GALNT13: variants seen among roughly 807,000 people sequenced by gnomAD.
GALNT13 encodes polypeptide N-acetylgalactosaminyltransferase 13.
Under a neutral mutation model 64.2 loss-of-function variants are expected in GALNT13, and 28 were observed. The ratio of observed to expected loss-of-function variants is 0.44; its 90% CI spans 0.32 to 0.60. GALNT13 has a LOEUF of 0.60. GALNT13 is among the 20% of genes least tolerant of loss of function. The pLI, the probability that GALNT13 is intolerant of heterozygous loss-of-function variation, is 0.05. For synonymous variants in GALNT13, 214 were observed against 224.6 expected (o/e 0.95, Z 0.42); for missense variants, 577 against 669.8 (o/e 0.86, Z 1.53).
chr2:153,304,310 C>T, the GALNT13 span, among the ~76,000 whole-genome samples: 3 of 151,976 alleles, frequency 2.0e-5, no homozygotes, highest in East Asian at 3.9e-4. Context: ...TGCTGCTTCT[C>T]TGCTGAGCCT....
At chr2:153,289,275 A>T in the GALNT13 span, among the ~76,000 whole-genome samples, 50 of 152,190 alleles carry the variant, frequency 3.3e-4, no homozygotes, top group Non-Finnish European at 6.9e-4. Context: ...CAATGACCTC[A>T]TTTCTTCATA....
the GALNT13 span, among the ~76,000 whole-genome samples, chr2:153,589,046 G>A: frequency 2.6e-5 from 4 of 152,082 alleles, no homozygotes; most frequent in East Asian, 1.9e-4. Flanking sequence ...CCGCTACTCG[G>A]GAGGCTGAGG....
chr2:153,812,027 AT>A, the GALNT13 span, among the ~76,000 whole-genome samples: 1 of 152,198 alleles, frequency 6.6e-6, no homozygotes, highest in Non-Finnish European at 1.5e-5. Flanking sequence ...CTAGATCAAG[AT>A]ATAGAACACT....
the GALNT13 span, among the ~76,000 whole-genome samples, chr2:153,611,266 G>T: frequency 1.3e-5 from 2 of 152,128 alleles, no homozygotes; most frequent in African/African-American, 4.8e-5. Flanking sequence ...TTGTCACAAA[G>T]AATTAATTAA....
chr2:153,270,442 T>C, the GALNT13 span, among the ~76,000 whole-genome samples: 4 of 152,190 alleles, frequency 2.6e-5, no homozygotes, highest in Non-Finnish European at 5.9e-5. Flanking sequence ...CTGCAAGTGA[T>C]AGAGGTCAGA....
At chr2:153,707,051 G>T in the GALNT13 span, among the ~76,000 whole-genome samples, 53 of 152,086 alleles carry the variant, frequency 3.5e-4, no homozygotes, top group Admixed American at 3.1e-3. Context: ...GAGTTCCCCT[G>T]CACGATTTCT....
chr2:154,308,875 C>T (rs1280772434), intron 9 of GALNT13, among the ~76,000 whole-genome samples: 1 of 152,216 alleles, frequency 6.6e-6, no homozygotes, highest in East Asian at 1.9e-4. Context: ...CTTTTCCTTG[C>T]TACAATCAAT....
the GALNT13 span, among the ~76,000 whole-genome samples, chr2:153,201,945 A>G: frequency 1.4e-5 from 2 of 146,616 alleles, no homozygotes; most frequent in Non-Finnish European, 3.0e-5. Flanking sequence ...TTAATATTCC[A>G]CAGGATGGCC....
At chr2:154,150,181 A>G (rs192385574) in intron 4 of GALNT13, among the ~76,000 whole-genome samples, 1 of 152,320 alleles carries the variant, frequency 6.6e-6, no homozygotes, top group African/African-American at 2.4e-5. Context: ...ATCTATTGAG[A>G]TAATCATGTG....
At chr2:153,415,783 G>A in the GALNT13 span, among the ~76,000 whole-genome samples, 2 of 152,146 alleles carry the variant, frequency 1.3e-5, no homozygotes, top group African/African-American at 2.4e-5. Context: ...TGTTTCTGCT[G>A]TGAGAATAGG....
the GALNT13 span, among the ~76,000 whole-genome samples, chr2:153,715,814 TTTCTTC>T: frequency 2.7e-5 from 4 of 150,722 alleles, no homozygotes; most frequent in African/African-American, 2.4e-5. Context: ...AGCTCCCTCT[TTTCTTC>T]TTCTTCTTCT....
chr2:153,749,077 G>A, the GALNT13 span, among the ~76,000 whole-genome samples: 1 of 151,890 alleles, frequency 6.6e-6, no homozygotes, highest in Non-Finnish European at 1.5e-5. Context: ...ATTATTTATT[G>A]AAGAGACTGA....
chr2:153,466,292 A>C, the GALNT13 span, among the ~76,000 whole-genome samples: 1 of 152,066 alleles, frequency 6.6e-6, no homozygotes, highest in East Asian at 1.9e-4. Context: ...TACTAAATAA[A>C]TGTAATCCCC....
chr2:153,471,901 A>T, the GALNT13 span, among the ~76,000 whole-genome samples: 1,155 of 152,320 alleles, frequency 7.6e-3, 19 homozygotes, highest in African/African-American at 0.027. Context: ...TAAATAATGT[A>T]AAACAAAGAA....
the GALNT13 span, among the ~76,000 whole-genome samples, chr2:153,122,277 T>G: frequency 6.6e-6 from 1 of 151,900 alleles, no homozygotes; most frequent in South Asian, 2.1e-4. Context: ...TTATGTTAAA[T>G]GAACAAATGA....
At position 154,389,291 on chromosome 2, in the gene GALNT13, A is replaced by G. The variant is rs749501157; in HGVS notation, c.1157-6700A>G. Among the ~76,000 whole-genome samples the G allele has an allele frequency of 7.2e-5, 11 of 152,086 alleles. No homozygotes were observed. In the South Asian group the frequency reaches 1.2e-3, roughly 17 times the overall value. On this transcript the variant is annotated intron_variant, in intron 9 of 12. Transcript: ENST00000392825. ...GCTGGGATTACAGGCACCCACCACA[A>G]CTGGCCAGCTAATTTTTTGGTGTTT... is the stretch of plus-strand genomic sequence containing the variant.
chr2:154,207,886 G>T lies in GALNT13; in HGVS notation c.312-34144G>T, dbSNP rs1244921679. ...AGTTCCCTCAGAGAGCATAGTATTA[G>T]ATGATGTCGCATAGGACAAAGGCAA... is the stretch of plus-strand genomic sequence containing the variant. On this transcript the variant is annotated intron_variant, in intron 4 of 12. Coordinates refer to ENST00000392825, the MANE Select transcript of GALNT13 (RefSeq NM_052917.4). Among the ~76,000 whole-genome samples, 94 of 152,134 alleles carry T rather than the reference G, an allele frequency of 6.2e-4. 2 individuals are homozygous for T. The highest frequency in any genetic ancestry group is 1.5e-5 in the Non-Finnish European group (1 of 68,024).
At chr2:154,334,449 T>C (rs1489320962) in intron 9 of GALNT13, among the ~76,000 whole-genome samples, 1 of 152,050 alleles carries the variant, frequency 6.6e-6, no homozygotes, top group Non-Finnish European at 1.5e-5. Context: ...TACAGAAATT[T>C]TTAAGCTGTA....
intron 4 of GALNT13, among the ~76,000 whole-genome samples, chr2:154,158,534 A>G (rs1684555067): frequency 6.6e-6 from 1 of 152,038 alleles, no homozygotes; most frequent in Admixed American, 6.6e-5. Flanking sequence ...GCACCCTTCC[A>G]TCTCTGATCA....
Sources: allele counts gnomAD v4.1 joint callset (sites outside exome capture counted in the v4.1 genomes callset), GRCh38; gene constraint gnomAD v4.1.1; transcripts MANE v1.5; gene names NCBI Gene and HGNC (gene_info 2026-07-23, HGNC 2026-07-21).